Variants in TMEM178B observed in about 807,000 individuals in gnomAD.
TMEM178B encodes the protein transmembrane protein 178B.
TMEM178B carries 5 observed loss-of-function variants against 31.0 expected under a neutral mutation model. The observed-to-expected ratio is 0.16, with a 90% CI of 0.08 to 0.34. The LOEUF (loss-of-function observed/expected upper bound fraction) is 0.34. Ranked by LOEUF, TMEM178B falls within the 10% of genes least tolerant of loss-of-function variation. The pLI is 1.00. For synonymous variants in TMEM178B, 164 were observed against 164.0 expected, an observed-to-expected ratio of 1.00 and a Z score of 0.00; for missense variants, 275 against 400.3, an observed-to-expected ratio of 0.69 and a Z score of 2.67.
At chr7:141,438,243 C>CCT in intron 3 of TMEM178B, among the ~76,000 whole-genome samples, 1 of 152,132 alleles carries the variant, frequency 6.6e-6, no homozygotes, top group African/African-American at 2.4e-5. Flanking sequence ...AGGACTAGAC[C>CCT]CTCTCTTATA....
At chr7:141,467,994 A>G (rs1304679793) in intron 3 of TMEM178B, among the ~76,000 whole-genome samples, 1 of 151,800 alleles carries the variant, frequency 6.6e-6, no homozygotes, top group Non-Finnish European at 1.5e-5. Context: ...AAAAAGCAAA[A>G]CAACAATAAA....
In TMEM178B at chr7:141,408,836, G is replaced by C. The variant is rs1000979015; in HGVS notation, c.497-28772G>C. Among the ~76,000 whole-genome samples, 3 of 152,208 alleles carry C rather than the reference G, an allele frequency of 2.0e-5. No individual in the cohort carries two copies. The South Asian group carries it at 6.2e-4, about 32-fold the overall frequency. On this transcript the variant is annotated intron_variant, in intron 2 of 3. Coordinates refer to ENST00000565468, the MANE Select transcript of TMEM178B (RefSeq NM_001195278.2). ...CCCAGACGTGTCAACCACGCAGAAA[G>C]GGGAGGTGAGTTTATTCCTAAGAAA...
Position 141,174,275 on chromosome 7 carries a change from C to T in TMEM178B, c.383-38316C>T, listed in dbSNP as rs1796391872. On this transcript the variant is annotated intron_variant, in intron 1 of 3. Transcript: ENST00000565468. ...ATGGTTTCCAGCGTCATCCATGTCC[C>T]TGCAAAGGACATGAACTCATCCTTT... Among the ~76,000 whole-genome samples the T allele has an allele frequency of 2.6e-5, 4 of 152,198 alleles. 1 individual carries two copies. The highest frequency in any genetic ancestry group is 2.6e-4 in the Admixed American group (4 of 15,290).
At chr7:141,464,215 C>T (rs865986684) in intron 3 of TMEM178B, among the ~76,000 whole-genome samples, 4 of 152,174 alleles carry the variant, frequency 2.6e-5, no homozygotes, top group Non-Finnish European at 1.5e-5. Context: ...TTACTGTCTG[C>T]AGAAACCCTG....
At chr7:141,217,350 C>A (rs139088417) in intron 2 of TMEM178B, among the ~76,000 whole-genome samples, 1 of 152,220 alleles carries the variant, frequency 6.6e-6, no homozygotes, top group East Asian at 1.9e-4. Context: ...GGGGGGTCTG[C>A]GACAGGACCT....
chr7:141,138,242 T>C (rs1795708629), intron 1 of TMEM178B, among the ~76,000 whole-genome samples: 1 of 151,998 alleles, frequency 6.6e-6, no homozygotes, highest in Admixed American at 6.6e-5. Context: ...TTTGTATTTT[T>C]AGTAGAGATG....
intron 1 of TMEM178B, among the ~76,000 whole-genome samples, chr7:141,115,816 C>A (rs186253750): frequency 4.6e-5 from 7 of 152,084 alleles, no homozygotes; most frequent in Non-Finnish European, 8.8e-5. Context: ...TTCTTCTGAA[C>A]CCCCAGAGTT....
chr7:141,084,724 C>T (rs546942796), intron 1 of TMEM178B, among the ~76,000 whole-genome samples: 9 of 152,286 alleles, frequency 5.9e-5, no homozygotes, highest in African/African-American at 2.2e-4. Context: ...CCCCCAGATG[C>T]CTGTCCTTCT....
At chr7:141,270,081 A>G (rs1798157004) in intron 2 of TMEM178B, among the ~76,000 whole-genome samples, 1 of 152,136 alleles carries the variant, frequency 6.6e-6, no homozygotes, top group African/African-American at 2.4e-5. Flanking sequence ...ACAAACAAAC[A>G]AAAAACTCAT....
At position 141,313,920 on chromosome 7, in the gene TMEM178B, A is replaced by T. The variant is rs528250730; in HGVS notation, c.496+101216A>T. Among the ~76,000 whole-genome samples, 7 of 152,264 alleles carry T rather than the reference A, an allele frequency of 4.6e-5. No homozygotes were observed. In the South Asian group the frequency reaches 1.0e-3, roughly 23 times the overall value. ...AAATCAGCATGTGCAAAAATCACTG[A>T]TTGAAATCCAGTCCCTGATAGGGAG... On this transcript the variant is annotated intron_variant, in intron 2 of 3. Coordinates refer to ENST00000565468, the MANE Select transcript of TMEM178B (RefSeq NM_001195278.2).
intron 1 of TMEM178B, among the ~76,000 whole-genome samples, chr7:141,163,266 C>T (rs530336511): frequency 2.6e-4 from 39 of 152,296 alleles, no homozygotes; most frequent in South Asian, 8.3e-4. Context: ...TGGTGGAAGC[C>T]GCACAAGTAT....
intron 2 of TMEM178B, among the ~76,000 whole-genome samples, chr7:141,420,016 T>A (rs1211252805): frequency 6.6e-6 from 1 of 152,180 alleles, no homozygotes; most frequent in Non-Finnish European, 1.5e-5. Context: ...CCTGGAATAC[T>A]CTTCCCCCAG....
chr7:141,330,918 C>T (rs1179648174), intron 2 of TMEM178B, among the ~76,000 whole-genome samples: 1 of 152,144 alleles, frequency 6.6e-6, no homozygotes, highest in Non-Finnish European at 1.5e-5. Context: ...CAAATTCTGC[C>T]TTTAATTTGA....
chr7:141,372,488 A>G (rs773164628), intron 2 of TMEM178B, among the ~76,000 whole-genome samples: 1 of 152,106 alleles, frequency 6.6e-6, no homozygotes. Context: ...ACTGCCTTCC[A>G]TGCAGCAGTT....
Position 141,074,389 on chromosome 7 carries a change from T to A in TMEM178B, c.79T>A (p.Cys27Ser), listed in dbSNP as rs1221688532. 1 of 1,536,148 alleles carries A rather than the reference T, an allele frequency of 6.5e-7. No individual in the cohort carries two copies. The highest frequency in any genetic ancestry group is 2.0e-5 in the Admixed American group (1 of 51,010). Residue 27 changes from cysteine (C) to serine (S), a missense_variant, in exon 1 of 4, where the codon TGC (cysteine) becomes AGC (serine). By Grantham distance (112) the Cys-to-Ser change is moderately radical. Coordinates refer to ENST00000565468, the MANE Select transcript of TMEM178B (RefSeq NM_001195278.2). This position sits in a 1 kb window ranked among gnomAD's most constrained non-coding sequence, Gnocchi z 5.1. The part of the protein sequence containing the change: ...CALGMLAVAI[C>S]SDHWYETDAR... ...CCTCGGCATGCTGGCCGTGGCCATC[T>A]GCTCGGACCACTGGTACGAGACGGA...
intron 2 of TMEM178B, among the ~76,000 whole-genome samples, chr7:141,346,269 C>T (rs1330131715): frequency 6.6e-6 from 1 of 151,860 alleles, no homozygotes; most frequent in Admixed American, 6.6e-5. Context: ...AACCTCTTTA[C>T]CCAAATAGAT....
At chr7:141,259,474 T>C (rs757755331) in intron 2 of TMEM178B, among the ~76,000 whole-genome samples, 22 of 152,174 alleles carry the variant, frequency 1.4e-4, no homozygotes, top group Non-Finnish European at 3.1e-4. Flanking sequence ...TCGCCTTGAG[T>C]GTGGGTCACA....
intron 2 of TMEM178B, chr7:141,414,491 A>G (rs2116641102): frequency 6.7e-6 from 1 of 149,246 alleles, no homozygotes; most frequent in African/African-American, 2.5e-5. Context: ...TTCAGTCTTC[A>G]CAATAGAGTA....
At chr7:141,240,111 G>T (rs886566764) in intron 2 of TMEM178B, among the ~76,000 whole-genome samples, 2 of 151,790 alleles carry the variant, frequency 1.3e-5, no homozygotes, top group African/African-American at 4.8e-5. Flanking sequence ...TTATACTATG[G>T]TGCATCTCAA....
Sources: gnomAD v4.1 joint callset for allele counts (sites outside exome capture counted in the v4.1 genomes callset) on GRCh38, gnomAD v4.1.1 for gene constraint, Gnocchi (gnomAD v3.1) non-coding constraint, MANE v1.5 for transcripts, NCBI Gene and HGNC (gene_info 2026-07-23, HGNC 2026-07-21) for gene names.